The following ITPR2 variants were observed in gnomAD, a reference collection of about 807,000 sequenced individuals.
ITPR2 encodes the protein inositol 1,4,5-trisphosphate receptor type 2.
In ITPR2, 207 loss-of-function variants were observed where a neutral mutation model predicts 317.1. The ratio of observed to expected loss-of-function variants is 0.65; its 90% CI spans 0.58 to 0.73. The LOEUF (loss-of-function observed/expected upper bound fraction) is 0.73. Among genes scored for constraint, ITPR2 ranks in the 30% least tolerant of loss-of-function variants. The pLI is 0.00. For synonymous variants in ITPR2, 1,156 were observed against 1,149.1 expected (o/e 1.01, Z -0.12); for missense variants, 2,613 against 3,284.0 (o/e 0.80, Z 4.99).
chr12:26,466,783 T>G (rs986494591), intron 45 of ITPR2, among the ~76,000 whole-genome samples: 3 of 152,154 alleles, frequency 2.0e-5, no homozygotes, highest in Non-Finnish European at 2.9e-5. Context: ...AGGGGTGGAA[T>G]AATAGCTAAA....
At chr12:26,593,433 T>C (rs1392113797) in intron 32 of ITPR2, among the ~76,000 whole-genome samples, 1 of 152,218 alleles carries the variant, frequency 6.6e-6, no homozygotes, top group Non-Finnish European at 1.5e-5. Context: ...CTGGTGACTC[T>C]GATCTTTCTT....
intron 1 of ITPR2, among the ~76,000 whole-genome samples, chr12:26,821,168 G>C (rs1488872875): frequency 6.6e-6 from 1 of 151,990 alleles, no homozygotes; most frequent in Non-Finnish European, 1.5e-5. Context: ...ACTTTAAAAG[G>C]CACTAAAATC....
Position 26,654,009 on chromosome 12 carries a change from A to T in ITPR2, c.2707T>A (p.Tyr903Asn). 6.2e-7 allele frequency: 1 copy of T among 1,611,388 alleles called. No homozygotes were observed. The highest frequency in any genetic ancestry group is 8.5e-7 in the Non-Finnish European group (1 of 1,178,174). Residue 903 changes from tyrosine (Y) to asparagine (N), a missense_variant, in exon 21 of 57, where the codon TAC becomes AAC. Coordinates refer to ENST00000381340, the MANE Select transcript of ITPR2 (RefSeq NM_002223.4). ...TGAAATTTGCTTAATCTTTCAAAGT[A>T]TGATGACATGGGGGCCTGTACAATG... The part of the protein sequence containing the change: ...LDIVQAPMSS[Y>N]FERLSKFQDG...
At chr12:26,379,894 C>A (rs1939454906) in intron 55 of ITPR2, among the ~76,000 whole-genome samples, 1 of 152,218 alleles carries the variant, frequency 6.6e-6, no homozygotes, top group African/African-American at 2.4e-5. Context: ...CACGGAACTT[C>A]TCCTTAAACA....
At chr12:26,394,849 G>T (rs948958552) in intron 54 of ITPR2, among the ~76,000 whole-genome samples, 1 of 152,148 alleles carries the variant, frequency 6.6e-6, no homozygotes, top group Non-Finnish European at 1.5e-5. Context: ...GTTCATTAGC[G>T]CATGGTAGCT....
chr12:26,821,908 A>G (rs1950944339), intron 1 of ITPR2, among the ~76,000 whole-genome samples: 1 of 152,224 alleles, frequency 6.6e-6, no homozygotes, highest in Non-Finnish European at 1.5e-5. Flanking sequence ...TTGATTTGCC[A>G]TTAGAAAATT....
At chr12:26,358,447 T>C (rs541499438) in intron 55 of ITPR2, among the ~76,000 whole-genome samples, 2 of 151,784 alleles carry the variant, frequency 1.3e-5, no homozygotes, top group South Asian at 2.2e-4. Flanking sequence ...TTGTTTTCCC[T>C]TGAGCCTTGA....
intron 39 of ITPR2, among the ~76,000 whole-genome samples, chr12:26,487,860 G>A (rs968860879): frequency 1.3e-5 from 2 of 152,184 alleles, no homozygotes; most frequent in Non-Finnish European, 2.9e-5. Flanking sequence ...TGATAAACAG[G>A]TACCAACTTC....
chr12:26,732,384 A>C (rs185028420), intron 2 of ITPR2, among the ~76,000 whole-genome samples: 1 of 152,334 alleles, frequency 6.6e-6, no homozygotes, highest in Non-Finnish European at 1.5e-5. Context: ...TCCAGATTAG[A>C]ATATTATAAA....
chr12:26,526,593 A>G (rs1943813947), intron 37 of ITPR2, among the ~76,000 whole-genome samples: 1 of 152,258 alleles, frequency 6.6e-6, no homozygotes, highest in Non-Finnish European at 1.5e-5. Flanking sequence ...AAAGAGAATG[A>G]CATTATCTGA....
intron 34 of ITPR2, among the ~76,000 whole-genome samples, chr12:26,563,568 T>C (rs1335912909): frequency 1.3e-5 from 2 of 150,302 alleles, no homozygotes; most frequent in East Asian, 3.9e-4. Context: ...AAAAAAAAGA[T>C]AGAATGTGGG....
intron 2 of ITPR2, among the ~76,000 whole-genome samples, chr12:26,741,308 G>T (rs1340092614): frequency 1.3e-5 from 2 of 152,214 alleles, no homozygotes; most frequent in African/African-American, 4.8e-5. Context: ...GAGTAGCAAA[G>T]GATATAATTA....
intron 56 of ITPR2, 90 bp downstream of exon 56, chr12:26,340,077 T>C (rs1938055479): frequency 7.8e-7 from 1 of 1,277,896 alleles, no homozygotes; most frequent in Admixed American, 2.5e-5. Context: ...CTGTGGATAA[T>C]GACCTGGCTC....
chr12:26,352,280 G>A (rs767529069), intron 55 of ITPR2, among the ~76,000 whole-genome samples: 7 of 152,188 alleles, frequency 4.6e-5, no homozygotes, highest in Non-Finnish European at 7.3e-5. Flanking sequence ...TTCCATTCAC[G>A]GTAGTTGGAG....
rs1051054776 is a variant in ITPR2, at chr12:26,737,979, TAAC to T, written c.164-12217_164-12215del. 1.5e-4 allele frequency among the ~76,000 whole-genome samples: 23 copies of T among 151,986 alleles called. 1 individual carries two copies. The highest frequency in any genetic ancestry group is 5.3e-4 in the African/African-American group (22 of 41,368). On this transcript the variant is annotated intron_variant, in intron 2 of 56. Transcript: ENST00000381340. ...AGAGAGTCAAAGGTAGAAGGAATAA[TAAC>T]AAAGAAACACGCTTTCCCCACAACA...
At chr12:26,782,022 A>G (rs1453730868) in intron 2 of ITPR2, among the ~76,000 whole-genome samples, 16 of 30,504 alleles carry the variant, frequency 5.2e-4, no homozygotes, top group African/African-American at 1.1e-3. Flanking sequence ...ATATATATAT[A>G]TATATATATA....
chr12:26,701,869 C>T (rs1384349082), intron 9 of ITPR2, among the ~76,000 whole-genome samples: 1 of 152,128 alleles, frequency 6.6e-6, no homozygotes, highest in Non-Finnish European at 1.5e-5. Flanking sequence ...GGCTTTTATT[C>T]CAATCTTGAA....
chr12:26,443,534 G>C lies in ITPR2; in HGVS notation c.6450+9C>G, dbSNP rs374143956. ...AGTTGGTCTCTTTCAATAAATAATA[G>C]ATGGTTACCTCAATCTGTGCAGTGT... is the stretch of plus-strand genomic sequence containing the variant. On this transcript the variant is annotated intron_variant, in intron 46 of 56. Transcript: ENST00000381340. 2 of 1,588,316 alleles carry C rather than the reference G, an allele frequency of 1.3e-6. No homozygotes were observed. The highest frequency in any genetic ancestry group is 1.7e-6 in the Non-Finnish European group (2 of 1,158,498).
chr12:26,362,118 G>A (rs1591963264), intron 55 of ITPR2, among the ~76,000 whole-genome samples: 1 of 152,164 alleles, frequency 6.6e-6, no homozygotes, highest in East Asian at 1.9e-4. Context: ...GGGGCTGGAG[G>A]GTGCTGTATT....
Sources: allele counts gnomAD v4.1 joint callset (sites outside exome capture counted in the v4.1 genomes callset), GRCh38; gene constraint gnomAD v4.1.1; transcripts MANE v1.5; gene names NCBI Gene and HGNC (gene_info 2026-07-23, HGNC 2026-07-21).